COPA: variants seen among roughly 807,000 people sequenced by gnomAD.
COPA encodes the protein coat protein complex I subunit alpha, also known as coatomer subunit alpha.
A neutral mutation model predicts 158.7 loss-of-function variants in COPA; 10 were observed. That is an observed-to-expected ratio of 0.06 (90% CI 0.04 to 0.11). COPA has a LOEUF of 0.11. Ranked by LOEUF, COPA falls within the 10% of genes least tolerant of loss-of-function variation. COPA has a pLI of 1.00. For missense variants in COPA, 1,065 were observed against 1,536.7 expected, an observed-to-expected ratio of 0.69 and a Z score of 5.13; for synonymous variants, 462 against 542.8, an observed-to-expected ratio of 0.85 and a Z score of 2.07.
intron 1 of COPA, 88 bp downstream of exon 1, chr1:160,343,043 A>T: frequency 1.9e-6 from 3 of 1,544,900 alleles, no homozygotes; most frequent in Non-Finnish European, 2.7e-6. Context: ...GCCCATTTCG[A>T]CCAACACCTC....
rs1658297298 is a variant in COPA, at chr1:160,293,224, T to C, written c.2765A>G (p.Asn922Ser). 1 of 1,614,148 alleles carries C rather than the reference T, an allele frequency of 6.2e-7. No individual in the cohort carries two copies. The change falls in exon 27 of 33, where the codon AAT becomes AGT. Residue 922 changes from asparagine to serine, a missense_variant. This residue lies in a region of COPA where 980 missense variants were observed against 1,357.8 expected (regional missense o/e 0.72). Coordinates refer to ENST00000241704, the MANE Select transcript of COPA (RefSeq NM_004371.4). ...KGTSPTQIWC[N>S]NSQLPVDHIL... ...GTGATCAACTGGAAGCTGAGAGTTATTACACCAGATCTAACAAGAAACAAA... is the reference window on the plus strand; with the variant it reads ...GTGATCAACTGGAAGCTGAGAGTTACTACACCAGATCTAACAAGAAACAAA...
chr1:160,315,239 G>A (rs74125580), intron 8 of COPA, among the ~76,000 whole-genome samples: 5,042 of 152,220 alleles, frequency 0.033, 279 homozygotes, highest in African/African-American at 0.12. Context: ...CCATCTTCCT[G>A]GGTGCCCTGG....
Position 160,307,284 on chromosome 1 carries a change from A to ACTAT in COPA, c.1220-40_1220-39insATAG, listed in dbSNP as rs757530864. 4.4e-6 allele frequency: 7 copies of ACTAT among 1,592,036 alleles called. No homozygotes were observed. The African/African-American group carries it at 8.1e-5, about 18-fold the overall frequency. On this transcript the variant is annotated intron_variant, in intron 13 of 32. Transcript: ENST00000241704. ...AACCAAAGGGTGGGAGCATGTGGTG[A>ACTAT]GTCACTGGCAGGTGACATAGTCGGG...
chr1:160,312,976 T>A, intron 10 of COPA, 109 bp downstream of exon 10: 1 of 981,294 alleles, frequency 1.0e-6, no homozygotes, highest in African/African-American at 1.6e-5. Flanking sequence ...AGAGTCCTTC[T>A]TCTTCTTGTC....
At chr1:160,333,538 G>A (rs1406101858) in intron 5 of COPA, 65 bp downstream of exon 5, 3 of 1,137,210 alleles carry the variant, frequency 2.6e-6, no homozygotes, top group Admixed American at 3.7e-5. Context: ...TGTTCTAAGA[G>A]AAGCTCATTA....
chr1:160,291,747 TAAAGA>T, intron 30 of COPA, 67 bp downstream of exon 30: 1 of 1,476,436 alleles, frequency 6.8e-7, no homozygotes, highest in Non-Finnish European at 9.4e-7. Context: ...GGTTTGAAAT[TAAAGA>T]ATTCAAACCT....
chr1:160,340,004 G>A (rs769922138), intron 2 of COPA, 22 bp from the exon 3 acceptor site: 2 of 1,612,608 alleles, frequency 1.2e-6, no homozygotes, highest in Non-Finnish European at 1.7e-6. Context: ...GGCAGGCAAT[G>A]TATGTTAGAC....
chr1:160,291,670 G>T (rs1658236846), intron 30 of COPA, 149 bp downstream of exon 30: 2 of 1,069,570 alleles, frequency 1.9e-6, no homozygotes, highest in Admixed American at 2.2e-5. Flanking sequence ...GAAGTAGGAT[G>T]AAGAAATGTA....
At chr1:160,309,753 T>C (rs1658902121) in intron 12 of COPA, among the ~76,000 whole-genome samples, 1 of 151,772 alleles carries the variant, frequency 6.6e-6, no homozygotes, top group East Asian at 1.9e-4. Flanking sequence ...TTTTTTTTTT[T>C]TTTTTGCAAA....
intron 8 of COPA, chr1:160,317,294 G>A (rs746450988): frequency 2.7e-5 from 25 of 941,916 alleles, no homozygotes; most frequent in Middle Eastern, 6.6e-4. Context: ...CTGCAGCTGC[G>A]GTGTTGTGCT....
intron 8 of COPA, among the ~76,000 whole-genome samples, chr1:160,322,132 CAA>C (rs937775303): frequency 2.0e-5 from 3 of 152,028 alleles, no homozygotes; most frequent in Admixed American, 2.0e-4. Context: ...TATGGCAGCA[CAA>C]AAGACCCCAA....
intron 17 of COPA, among the ~76,000 whole-genome samples, chr1:160,303,846 C>A (rs1447617231): frequency 6.6e-6 from 1 of 152,056 alleles, no homozygotes; most frequent in Non-Finnish European, 1.5e-5. Flanking sequence ...AAGATTTGAA[C>A]AGAATTCACA....
intron 15 of COPA, 60 bp from the exon 16 acceptor site, chr1:160,305,833 A>T: frequency 7.4e-7 from 1 of 1,354,694 alleles, no homozygotes; most frequent in Non-Finnish European, 1.1e-6. Context: ...TCAGGCTTTG[A>T]TCTACATCAA....
intron 7 of COPA, among the ~76,000 whole-genome samples, chr1:160,325,099 TA>T (rs1211630438): frequency 6.6e-6 from 1 of 151,968 alleles, no homozygotes. Flanking sequence ...ATAGGGATAA[TA>T]ATATCTACTT....
At chr1:160,306,644 G>A in intron 14 of COPA, 151 bp from the exon 15 acceptor site, 1 of 920,302 alleles carries the variant, frequency 1.1e-6, no homozygotes, top group Non-Finnish European at 1.7e-6. Context: ...GACAGACCAT[G>A]CCAACCAAGA....
At chr1:160,291,683 C>T in intron 30 of COPA, 136 bp downstream of exon 30, 2 of 1,099,964 alleles carry the variant, frequency 1.8e-6, no homozygotes, top group Non-Finnish European at 2.7e-6. Flanking sequence ...GAAATGTATC[C>T]TCCCCTCATA....
At chr1:160,342,705 A>G (rs1177689490) in intron 1 of COPA, among the ~76,000 whole-genome samples, 2 of 152,164 alleles carry the variant, frequency 1.3e-5, no homozygotes, top group African/African-American at 4.8e-5. Context: ...TGAGGTTGCC[A>G]CTACTCGTCT....
chr1:160,326,104 T>C (rs1032339624), intron 6 of COPA: 2 of 165,598 alleles, frequency 1.2e-5, no homozygotes, highest in Admixed American at 1.1e-4. Flanking sequence ...TTCTTTTTTT[T>C]AAAGAATAGT....
Position 160,298,614 on chromosome 1 carries a change from T to G in COPA, c.1977+231A>C, listed in dbSNP as rs116479170. Reference sequence around the variant, plus strand: ...TGCTTTTATCCTAGAAGTTACTGAATTCACACTAATTGAGGTTGACAAAAA... The same window carrying G: ...TGCTTTTATCCTAGAAGTTACTGAAGTCACACTAATTGAGGTTGACAAAAA... On this transcript the variant is annotated intron_variant, in intron 19 of 32. Transcript: ENST00000241704. 6.5e-3 allele frequency among the ~76,000 whole-genome samples: 983 copies of G among 152,290 alleles called. 14 individuals carry two copies. The highest frequency in any genetic ancestry group is 0.023 in the African/African-American group (951 of 41,552).
Sources: allele counts gnomAD v4.1 joint callset (sites outside exome capture counted in the v4.1 genomes callset), GRCh38; gene constraint gnomAD v4.1.1; regional missense constraint gnomAD v4.1.1; transcripts MANE v1.5; gene names NCBI Gene and HGNC (gene_info 2026-07-23, HGNC 2026-07-21).